The following ZNF615 variants were observed in gnomAD, a reference collection of about 807,000 sequenced individuals.
ZNF615 encodes the protein zinc finger protein 615.
Under a neutral mutation model 15.3 loss-of-function variants are expected in ZNF615, and 15 were observed. That is an observed-to-expected ratio of 0.98 (90% CI 0.66 to 1.51). The LOEUF is 1.51. Ranked by LOEUF, ZNF615 falls within the 40% of genes most tolerant of loss-of-function variation. The pLI is 0.00. For synonymous variants in ZNF615, 268 were observed against 294.6 expected (o/e 0.91, Z 0.92); for missense variants, 848 against 895.9 (o/e 0.95, Z 0.68).
chr19:51,992,741 T>C lies in ZNF615; in HGVS notation c.*139A>G. On this transcript the variant is annotated 3_prime_UTR_variant, in exon 7 of 7. Transcript: ENST00000598071. ...TGTCCTAAAATATTTTCTCAAATGTTTTGTACATGTTTTCTCTGACACAAA... is the reference window on the plus strand; with the variant it reads ...TGTCCTAAAATATTTTCTCAAATGTCTTGTACATGTTTTCTCTGACACAAA... 9.6e-7 allele frequency: 1 copy of C among 1,046,030 alleles called. No homozygotes were observed. Among genetic ancestry groups the C allele is most frequent in the Non-Finnish European group, 1.4e-6 (1 of 715,966 alleles). The allele number at this position is 1,046,030 out of a possible 1,614,324, so 64.8% of individuals were successfully genotyped here. A position where few individuals can be genotyped will look rare whatever the true frequency, so the allele number is the denominator to read the frequency against.
At position 52,008,158 on chromosome 19, in the gene ZNF615, G is replaced by C. The variant is rs2086808186; in HGVS notation, c.-245C>G. 5.9e-6 allele frequency: 9 copies of C among 1,535,544 alleles called. No homozygotes were observed. The highest frequency in any genetic ancestry group is 7.0e-6 in the Non-Finnish European group (8 of 1,146,790). On this transcript the variant is annotated 5_prime_UTR_variant, in exon 1 of 7. Coordinates refer to ENST00000598071, the MANE Select transcript of ZNF615 (RefSeq NM_001199324.2). ...GAACTTACTTCCCAGAACTTGGTGG[G>C]CTCCGGCCTCATCTCTCGGCCTCCT...
At chr19:51,996,161 G>A (rs756864335) in intron 6 of ZNF615, among the ~76,000 whole-genome samples, 8 of 151,932 alleles carry the variant, frequency 5.3e-5, no homozygotes, top group East Asian at 1.9e-4. Context: ...AGGACAAAGC[G>A]GGTAGATCAC....
chr19:51,995,623 G>A (rs1054799734), intron 6 of ZNF615, among the ~76,000 whole-genome samples: 13 of 150,058 alleles, frequency 8.7e-5, no homozygotes, highest in Non-Finnish European at 1.6e-4. Flanking sequence ...GAGTGCAGTG[G>A]CACAATCTCA....
chr19:52,008,032 C>A, intron 1 of ZNF615, 109 bp downstream of exon 1: 1 of 1,066,802 alleles, frequency 9.4e-7, no homozygotes, highest in Non-Finnish European at 1.3e-6. Flanking sequence ...CGTCGCCAAA[C>A]GCTGGCGCCG....
rs755482798 is a variant in ZNF615 at position 51,994,099 on chromosome 19, G to A, written c.1010C>T (p.Ser337Phe). The change falls in exon 7 of 7, where the codon TCT becomes TTT. Residue 337 changes from serine (S) to phenylalanine (F), a missense_variant. Coordinates refer to ENST00000598071, the MANE Select transcript of ZNF615 (RefSeq NM_001199324.2). ...ATGTGTAGTGAGACTGAACTTTGTA[G>A]AGAAGGCCTTCCCACATACACTGCA... is the stretch of plus-strand genomic sequence containing the variant. ...HGCSVCGKAF[S>F]TKFSLTTHQK... 1.2e-6 allele frequency: 2 copies of A among 1,614,038 alleles called. No homozygotes were observed. Among genetic ancestry groups the A allele is most frequent in the Non-Finnish European group, 1.7e-6 (2 of 1,179,998 alleles).
chr19:51,992,732 C>T lies in ZNF615; in HGVS notation c.*148G>A. 1.0e-6 allele frequency: 1 copy of T among 984,216 alleles called. No homozygotes were observed. The highest frequency in any genetic ancestry group is 1.5e-6 in the Non-Finnish European group (1 of 663,954). The allele number at this position is 984,216 out of a possible 1,614,324, so 61.0% of individuals were successfully genotyped here. A position where few individuals can be genotyped will look rare whatever the true frequency, so the allele number is the denominator to read the frequency against. On this transcript the variant is annotated 3_prime_UTR_variant, in exon 7 of 7. Transcript: ENST00000598071. ...TAGACATAATGTCCTAAAATATTTT[C>T]TCAAATGTTTTGTACATGTTTTCTC...
Position 51,992,939 on chromosome 19 carries a change from A to G in ZNF615, c.2170T>C (p.Cys724Arg). The G allele has an allele frequency of 6.2e-7, 1 of 1,614,186 alleles. No homozygotes were observed. Among genetic ancestry groups the G allele is most frequent in the Non-Finnish European group, 8.5e-7 (1 of 1,180,028 alleles). ...GACAAGTGCGCAAAAGCTTTCCCAC[A>G]ATCACTACATCCATAGGGCCTCTCT... The part of the protein sequence containing the change: ...TGERPYGCSD[C>R]GKAFAHLSIL... The change falls in exon 7 of 7, where the codon TGT (cysteine) becomes CGT (arginine). Residue 724 changes from cysteine (C) to arginine (R), a missense_variant. Cys to Arg is a radical substitution (Grantham distance 180, BLOSUM62 -3). Coordinates refer to ENST00000598071, the MANE Select transcript of ZNF615 (RefSeq NM_001199324.2).
intron 2 of ZNF615, among the ~76,000 whole-genome samples, chr19:52,005,964 G>A (rs1350649409): frequency 6.6e-6 from 1 of 152,168 alleles, no homozygotes; most frequent in Non-Finnish European, 1.5e-5. Flanking sequence ...TACAGATCGA[G>A]TCAGTATTAA....
intron 6 of ZNF615, among the ~76,000 whole-genome samples, chr19:51,998,040 C>T: frequency 6.6e-6 from 1 of 152,126 alleles, no homozygotes; most frequent in Non-Finnish European, 1.5e-5. Flanking sequence ...GCAGTTCCCT[C>T]TCCTCCCCAT....
chr19:52,006,264 A>G (rs955601174), intron 2 of ZNF615, among the ~76,000 whole-genome samples: 1 of 152,206 alleles, frequency 6.6e-6, no homozygotes, highest in Non-Finnish European at 1.5e-5. Flanking sequence ...AAAGAGAGAA[A>G]CCAGGCGGGA....
At position 52,003,904 on chromosome 19, in the gene ZNF615, A is replaced by G. The variant is rs1171674359; in HGVS notation, c.-189-4T>C. The stretch of plus-strand genomic sequence containing the variant: ...TCTTGTTCTCAGCACCTGTGGGCTG[A>G]AGAGCAAATTACTCTGAGTGGTACA... On this transcript the variant is annotated splice_polypyrimidine_tract_variant and splice_region_variant and intron_variant, in intron 2 of 6. Transcript: ENST00000598071. 7.2e-7 allele frequency: 1 copy of G among 1,380,610 alleles called. No homozygotes were observed. 85.5% of individuals were successfully genotyped at this position (1,380,610 alleles called of 1,614,324 possible). A position where few individuals can be genotyped will look rare whatever the true frequency, so the allele number is the denominator to read the frequency against.
chr19:51,997,894 C>T (rs2086487528), intron 6 of ZNF615, among the ~76,000 whole-genome samples: 1 of 152,310 alleles, frequency 6.6e-6, no homozygotes, highest in Non-Finnish European at 1.5e-5. Context: ...AAATTCAGCA[C>T]TTTGTGCAAC....
chr19:51,992,721 TA>T lies in ZNF615; in HGVS notation c.*158del. On this transcript the variant is annotated 3_prime_UTR_variant, in exon 7 of 7. Coordinates refer to ENST00000598071, the MANE Select transcript of ZNF615 (RefSeq NM_001199324.2). Reference sequence around the variant, plus strand: ...TATACAATTTTTAGACATAATGTCCTAAAATATTTTCTCAAATGTTTTGTAC... The same window carrying T: ...TATACAATTTTTAGACATAATGTCCTAAATATTTTCTCAAATGTTTTGTAC... The T allele has an allele frequency of 2.2e-6, 2 of 929,268 alleles. No homozygotes were observed. Among genetic ancestry groups the T allele is most frequent in the South Asian group, 1.8e-5 (1 of 56,924 alleles). 57.6% of individuals were successfully genotyped at this position (929,268 alleles called of 1,614,324 possible).
Position 51,992,611 on chromosome 19 carries a change from T to C in ZNF615, c.*269A>G, listed in dbSNP as rs986506876. 2.7e-6 allele frequency: 1 copy of C among 363,742 alleles called. No homozygotes were observed. The highest frequency in any genetic ancestry group is 2.1e-5 in the African/African-American group (1 of 47,900). 22.5% of individuals were successfully genotyped at this position (363,742 alleles called of 1,614,324 possible). A position where few individuals can be genotyped will look rare whatever the true frequency, so the allele number is the denominator to read the frequency against. Reference sequence around the variant, plus strand: ...TACATTTCCACGAATTAGTAGTTTATTCATGATCTATGATCACTTCTGAGG... The same window carrying C: ...TACATTTCCACGAATTAGTAGTTTACTCATGATCTATGATCACTTCTGAGG... On this transcript the variant is annotated 3_prime_UTR_variant, in exon 7 of 7. Coordinates refer to ENST00000598071, the MANE Select transcript of ZNF615 (RefSeq NM_001199324.2).
Position 51,995,790 on chromosome 19 carries a change from T to C in ZNF615, c.272-953A>G, listed in dbSNP as rs573632431. ...TTTTGCTGTGTTATCTAGGCTGGTC[T>C]CACAAGCTCAAGAAGATCCACCTCC... On this transcript the variant is annotated intron_variant, in intron 6 of 6. Transcript: ENST00000598071. Among the ~76,000 whole-genome samples the C allele has an allele frequency of 5.0e-4, 76 of 151,838 alleles. No individual in the cohort carries two copies. The East Asian group carries it at 0.014, about 28-fold the overall frequency.
chr19:52,001,487 A>G (rs540211628), intron 5 of ZNF615, among the ~76,000 whole-genome samples: 39 of 151,916 alleles, frequency 2.6e-4, no homozygotes, highest in East Asian at 5.8e-4. Flanking sequence ...GCGTGGTGGT[A>G]CGCACCTGTA....
chr19:51,993,062 T>C lies in ZNF615; in HGVS notation c.2047A>G (p.Arg683Gly), dbSNP rs753638386. The C allele has an allele frequency of 2.5e-6, 4 of 1,614,196 alleles. No individual in the cohort carries two copies. Among genetic ancestry groups the C allele is most frequent in the Non-Finnish European group, 3.4e-6 (4 of 1,180,018 alleles). The change falls in exon 7 of 7, where the codon AGA becomes GGA. Residue 683 changes from arginine to glycine, a missense_variant. Arg to Gly is a moderately radical substitution (Grantham distance 125). Coordinates refer to ENST00000598071, the MANE Select transcript of ZNF615 (RefSeq NM_001199324.2). ...TACGGTTTCTCTCCTGTGTGAATTCTCTGATGTGTAATAAGATCATTTTTG... is the reference window on the plus strand; with the variant it reads ...TACGGTTTCTCTCCTGTGTGAATTCCCTGATGTGTAATAAGATCATTTTTG... The part of the protein sequence containing the change: ...LRKNDLITHQ[R>G]IHTGEKPYKC...
chr19:51,993,802 T>C lies in ZNF615; in HGVS notation c.1307A>G (p.Glu436Gly), dbSNP rs2086324011. The change falls in exon 7 of 7, where the codon GAG (glutamate) becomes GGG (glycine). Residue 436 changes from glutamate (E) to glycine (G), a missense_variant. By Grantham distance (98) the Glu-to-Gly change is moderately conservative. Transcript: ENST00000598071. ...ACACTCATTGCATTTATAAGGTTTC[T>C]CTCCAGTATGAGTTCGTTGATGTAC... is the stretch of plus-strand genomic sequence containing the variant. The part of the protein sequence containing the change: ...LMVHQRTHTG[E>G]KPYKCNECGK... 23 of 1,614,082 alleles carry C rather than the reference T, an allele frequency of 1.4e-5. No individual in the cohort carries two copies. The highest frequency in any genetic ancestry group is 1.9e-5 in the Non-Finnish European group (22 of 1,180,034).
In ZNF615 at chr19:51,993,226, G is replaced by A. The variant is rs1229351384; in HGVS notation, c.1883C>T (p.Thr628Ile). The stretch of plus-strand genomic sequence containing the variant: ...TTTGTATGGCTTCTCTCCAGTATGA[G>A]TTTGCTGATGTATACTGAGAGTACT... Reference protein sequence around the residue: ...MKSTLSIHQQTHTGEKPYKCN... With the variant: ...MKSTLSIHQQIHTGEKPYKCN... Residue 628 changes from threonine (T) to isoleucine (I), a missense_variant, in exon 7 of 7, where the codon ACT (threonine) becomes ATT (isoleucine). Coordinates refer to ENST00000598071, the MANE Select transcript of ZNF615 (RefSeq NM_001199324.2). 1.2e-6 allele frequency: 2 copies of A among 1,614,152 alleles called. No homozygotes were observed. The highest frequency in any genetic ancestry group is 2.2e-5 in the East Asian group (1 of 44,876).
Sources: allele counts gnomAD v4.1 joint callset (sites outside exome capture counted in the v4.1 genomes callset), GRCh38; gene constraint gnomAD v4.1.1; transcripts MANE v1.5; gene names NCBI Gene and HGNC (gene_info 2026-07-23, HGNC 2026-07-21).